The following RNGTT variants were observed in gnomAD, a reference collection of about 807,000 sequenced individuals.
The protein encoded by RNGTT is RNA guanylyltransferase and 5'-phosphatase.
A neutral mutation model predicts 79.3 loss-of-function variants in RNGTT; 33 were observed. That is an observed-to-expected ratio of 0.42 (90% confidence interval 0.32 to 0.56). The LOEUF (loss-of-function observed/expected upper bound fraction) is 0.56, where lower values mean the gene tolerates loss of function less well. RNGTT is among the 20% of genes least tolerant of loss of function. The pLI is 0.17. For missense variants in RNGTT, 497 were observed against 739.1 expected (o/e 0.67, Z 3.80); for synonymous variants, 222 against 235.9 (o/e 0.94, Z 0.54).
chr6:88,643,950 A>G (rs1233037543), intron 14 of RNGTT, among the ~76,000 whole-genome samples: 1 of 152,180 alleles, frequency 6.6e-6, no homozygotes, highest in African/African-American at 2.4e-5. Context: ...GAACTAGAGA[A>G]GCAAGAGCAA....
intron 6 of RNGTT, among the ~76,000 whole-genome samples, chr6:88,892,198 C>A (rs1463332847): frequency 6.6e-6 from 1 of 151,982 alleles, no homozygotes; most frequent in Non-Finnish European, 1.5e-5. Flanking sequence ...GAGATCCAAG[C>A]AGAATGTCTG....
At position 88,904,726 on chromosome 6, in the gene RNGTT, GTT is replaced by G; in HGVS notation, c.671_672del (p.Glu224AlafsTer15). The G allele has an allele frequency of 6.2e-7, 1 of 1,612,350 alleles. No homozygotes were observed. Among genetic ancestry groups the G allele is most frequent in the Non-Finnish European group, 8.5e-7 (1 of 1,179,536 alleles). On this transcript the variant is annotated frameshift_variant, in exon 6 of 16. Coordinates refer to ENST00000369485, the MANE Select transcript of RNGTT (RefSeq NM_003800.5). LOFTEE classifies it high-confidence loss of function. The stretch of plus-strand genomic sequence containing the variant: ...TTTTTAAACATTACCAGTTTTAACC[GTT>G]CTTTTCTCCTTTTGCCAAAAGAAGC... ...SSASFGKRRK[E>X]RLKLGAIFLE...
intron 8 of RNGTT, among the ~76,000 whole-genome samples, chr6:88,863,335 T>C (rs140666824): frequency 9.8e-5 from 15 of 152,296 alleles, no homozygotes; most frequent in African/African-American, 3.1e-4. Flanking sequence ...CTACCACAAA[T>C]TTTTTACTAT....
At chr6:88,878,349 G>A (rs1203979721) in intron 8 of RNGTT, among the ~76,000 whole-genome samples, 2 of 151,836 alleles carry the variant, frequency 1.3e-5, no homozygotes, top group Admixed American at 1.3e-4. Flanking sequence ...CACCCACCTC[G>A]GCCTCCCAAA....
chr6:88,615,578 T>C (rs1183236185), intron 14 of RNGTT, among the ~76,000 whole-genome samples: 2 of 152,210 alleles, frequency 1.3e-5, no homozygotes, highest in Non-Finnish European at 1.5e-5. Context: ...TTCTCTTGCC[T>C]TGCTTTCTAG....
chr6:88,633,209 G>C (rs775333047), intron 14 of RNGTT, among the ~76,000 whole-genome samples: 38 of 151,814 alleles, frequency 2.5e-4, no homozygotes, highest in Middle Eastern at 3.4e-3. Context: ...AAGTCATTTT[G>C]TTCATTGCCA....
At chr6:88,730,171 T>A (rs1414688847) in intron 13 of RNGTT, among the ~76,000 whole-genome samples, 1 of 152,202 alleles carries the variant, frequency 6.6e-6, no homozygotes, top group African/African-American at 2.4e-5. Flanking sequence ...TTTCAAATAA[T>A]CAATATGTCA....
chr6:88,962,675 G>C (rs1785674223), intron 1 of RNGTT, among the ~76,000 whole-genome samples: 1 of 152,168 alleles, frequency 6.6e-6, no homozygotes, highest in African/African-American at 2.4e-5. Flanking sequence ...GGAGGCTGAG[G>C]CAGTGAGCCG....
chr6:88,792,849 A>G (rs1181975121), intron 12 of RNGTT, among the ~76,000 whole-genome samples: 2 of 152,220 alleles, frequency 1.3e-5, no homozygotes, highest in Non-Finnish European at 2.9e-5. Context: ...AATATAATGA[A>G]ATTTTGCATT....
At chr6:88,771,525 T>A (rs1457050930) in intron 12 of RNGTT, among the ~76,000 whole-genome samples, 1 of 151,894 alleles carries the variant, frequency 6.6e-6, no homozygotes, top group East Asian at 1.9e-4. Flanking sequence ...TTAGCTAATG[T>A]AGCATTTACA....
intron 12 of RNGTT, among the ~76,000 whole-genome samples, chr6:88,794,353 C>T (rs1052045819): frequency 2.0e-5 from 3 of 152,150 alleles, no homozygotes; most frequent in African/African-American, 7.2e-5. Context: ...TTAGATTACA[C>T]ATATTCCTAT....
intron 13 of RNGTT, among the ~76,000 whole-genome samples, chr6:88,678,845 C>G (rs1236271130): frequency 1.3e-5 from 2 of 152,092 alleles, no homozygotes; most frequent in African/African-American, 2.4e-5. Context: ...GTAGAACACT[C>G]TAATATATTA....
At chr6:88,671,907 A>G (rs1193455988) in intron 14 of RNGTT, among the ~76,000 whole-genome samples, 1 of 152,202 alleles carries the variant, frequency 6.6e-6, no homozygotes, top group South Asian at 2.1e-4. Context: ...TTGGCAAGCC[A>G]CAGGTAGAAA....
In RNGTT at chr6:88,844,374, T is replaced by G; in HGVS notation, c.1252A>C (p.Ile418Leu). ...FSVRNKPFFD[I>L]CTSRKLLEGN... ...AACTTTACCTTTCTTGAAGTACAGA[T>G]GTCAAAAAACGGCTTATTTCTGACG... Residue 418 changes from isoleucine (I) to leucine (L), a missense_variant, in exon 11 of 16, where the codon ATC (isoleucine) becomes CTC (leucine). This residue lies in a region of RNGTT where 440 missense variants were observed against 671.5 expected (regional missense o/e 0.66). Coordinates refer to ENST00000369485, the MANE Select transcript of RNGTT (RefSeq NM_003800.5). The G allele has an allele frequency of 6.2e-7, 1 of 1,612,810 alleles. No homozygotes were observed. The highest frequency in any genetic ancestry group is 1.7e-4 in the Middle Eastern group (1 of 6,052).
chr6:88,777,224 A>C (rs1778918410), intron 12 of RNGTT, among the ~76,000 whole-genome samples: 1 of 152,132 alleles, frequency 6.6e-6, no homozygotes, highest in Non-Finnish European at 1.5e-5. Context: ...CTATTTCAGT[A>C]CTACACCATT....
intron 13 of RNGTT, among the ~76,000 whole-genome samples, chr6:88,717,788 C>T (rs946552090): frequency 6.6e-6 from 1 of 152,072 alleles, no homozygotes; most frequent in African/African-American, 2.4e-5. Flanking sequence ...TAGCTAACCA[C>T]CACAGAAAAA....
chr6:88,785,527 G>A (rs1232191096), intron 12 of RNGTT, among the ~76,000 whole-genome samples: 2 of 151,854 alleles, frequency 1.3e-5, no homozygotes, highest in East Asian at 3.8e-4. Context: ...TTCTTTCTTG[G>A]CACTTTGCTA....
At chr6:88,787,960 T>A (rs576297011) in intron 12 of RNGTT, among the ~76,000 whole-genome samples, 3 of 152,340 alleles carry the variant, frequency 2.0e-5, no homozygotes, top group African/African-American at 7.2e-5. Flanking sequence ...AGTTTGTATG[T>A]CTGCTTATTT....
In RNGTT at chr6:88,948,521, C is replaced by G. The variant is rs1198742930; in HGVS notation, c.65-7341G>C. ...CAGCCCCCCGCCCGGCCGGCCGCCC[C>G]GTCCGGGAGGTGAGGGGCGCCTCTG... On this transcript the variant is annotated intron_variant, in intron 1 of 15. Coordinates refer to ENST00000369485, the MANE Select transcript of RNGTT (RefSeq NM_003800.5). Among the ~76,000 whole-genome samples, 4 of 148,712 alleles carry G rather than the reference C, an allele frequency of 2.7e-5. No individual in the cohort carries two copies. The South Asian group carries it at 8.6e-4, about 32-fold the overall frequency.
Sources: gnomAD v4.1 joint callset for allele counts (sites outside exome capture counted in the v4.1 genomes callset) on GRCh38, gnomAD v4.1.1 for gene constraint, gnomAD v4.1.1 regional missense constraint, MANE v1.5 for transcripts, NCBI Gene and HGNC (gene_info 2026-07-23, HGNC 2026-07-21) for gene names.